NHSL1: variants seen among roughly 807,000 people sequenced by gnomAD.
NHSL1 encodes NHS like 1.
NHSL1 carries 48 observed loss-of-function variants against 95.0 expected under a neutral mutation model. The observed-to-expected ratio is 0.51, with a 90% CI of 0.40 to 0.64. The LOEUF is 0.64. Ranked by LOEUF, NHSL1 falls within the 30% of genes least tolerant of loss-of-function variation. NHSL1 has a pLI of 0.00. For missense variants in NHSL1, 1,971 were observed against 2,077.7 expected (o/e 0.95, Z 1.00); for synonymous variants, 783 against 833.9 (o/e 0.94, Z 1.05).
chr6:138,495,007 C>T (rs1780268085), intron 2 of NHSL1, among the ~76,000 whole-genome samples: 1 of 152,112 alleles, frequency 6.6e-6, no homozygotes, highest in African/African-American at 2.4e-5. Flanking sequence ...TGTTGGGAGG[C>T]TGAGGTGGGT....
At chr6:138,601,315 C>T (rs1784366972) in intron 1 of NHSL1, among the ~76,000 whole-genome samples, 2 of 152,212 alleles carry the variant, frequency 1.3e-5, no homozygotes, top group Non-Finnish European at 2.9e-5. Flanking sequence ...GCTAAACCAA[C>T]ACTTAGATCA....
rs559919961 is a variant in NHSL1, at chr6:138,464,394, G to C, written c.339+8912C>G. 42 of 433,538 alleles carry C rather than the reference G, an allele frequency of 9.7e-5. No individual in the cohort carries two copies. In the Admixed American group the frequency reaches 1.1e-3, roughly 11 times the overall value. The allele number at this position is 433,538 out of a possible 1,614,324, so 26.9% of individuals were successfully genotyped here. A position where few individuals can be genotyped will look rare whatever the true frequency, so the allele number is the denominator to read the frequency against. On this transcript the variant is annotated intron_variant, in intron 3 of 7. Transcript: ENST00000343505. ...GCTGCCTTCGCCAGGCACTTCTGAA[G>C]ACAGGTCAGGGCAGGAAGGCCGAGG...
chr6:138,496,287 G>T lies in NHSL1; in HGVS notation c.143C>A (p.Thr48Asn), dbSNP rs1198964748. Residue 48 changes from threonine to asparagine, a missense_variant, in exon 2 of 8, where the codon ACC (threonine) becomes AAC (asparagine). Transcript: ENST00000343505. ...WHQQENVFLP[T>N]TRPPCVEDLH... ...GTCCTCAACACAGGGGGGTCTTGTG[G>T]TGGGAAGGAACACATTCTCCTGCTG... The T allele has an allele frequency of 1.5e-5, 23 of 1,550,964 alleles. No individual in the cohort carries two copies. Among genetic ancestry groups the T allele is most frequent in the Non-Finnish European group, 1.7e-5 (20 of 1,146,880 alleles).
upstream of NHSL1, among the ~76,000 whole-genome samples, chr6:138,575,237 G>A (rs536068383): frequency 2.6e-5 from 4 of 152,260 alleles, no homozygotes; most frequent in South Asian, 4.1e-4. Context: ...GCTGTTGAGC[G>A]CTTTCCTCAA....
At chr6:138,629,466 T>C (rs1346836560) in intron 1 of NHSL1, among the ~76,000 whole-genome samples, 1 of 151,816 alleles carries the variant, frequency 6.6e-6, no homozygotes, top group African/African-American at 2.4e-5. Flanking sequence ...CACTGCACCC[T>C]CCGCCTCCCA....
chr6:138,565,127 G>A (rs560202825), intron 1 of NHSL1, among the ~76,000 whole-genome samples: 1 of 152,234 alleles, frequency 6.6e-6, no homozygotes, highest in Admixed American at 6.5e-5. Flanking sequence ...GTTTTTCTGA[G>A]ACAGAGTCTT....
intron 1 of NHSL1, among the ~76,000 whole-genome samples, chr6:138,591,750 T>C (rs888696832): frequency 6.6e-6 from 1 of 152,158 alleles, no homozygotes; most frequent in African/African-American, 2.4e-5. Flanking sequence ...AGTTTTCAAT[T>C]GAGCGCGGTT....
chr6:138,684,423 G>A (rs545981625), intron 1 of NHSL1, among the ~76,000 whole-genome samples: 181 of 151,830 alleles, frequency 1.2e-3, no homozygotes, highest in African/African-American at 4.1e-3. Context: ...CAAGGCGGGC[G>A]GATCACAAGG....
intron 3 of NHSL1, among the ~76,000 whole-genome samples, chr6:138,466,041 T>TGTG (rs372536926): frequency 8.0e-6 from 1 of 125,552 alleles, no homozygotes; most frequent in Non-Finnish European, 1.7e-5. Context: ...CACTCCTTTT[T>TGTG]GGGGGGGGGG....
chr6:138,493,451 T>C (rs561922683), intron 2 of NHSL1, among the ~76,000 whole-genome samples: 2 of 152,350 alleles, frequency 1.3e-5, no homozygotes, highest in African/African-American at 4.8e-5. Flanking sequence ...ATGTTCAGTT[T>C]TTCAAGGGGA....
chr6:138,643,060 G>A (rs1784977378), intron 1 of NHSL1, among the ~76,000 whole-genome samples: 3 of 152,252 alleles, frequency 2.0e-5, no homozygotes, highest in Non-Finnish European at 4.4e-5. Flanking sequence ...TCTTAAAGAT[G>A]TTTTAAAGAA....
At chr6:138,463,518 T>TG (rs1778133693) in intron 3 of NHSL1, among the ~76,000 whole-genome samples, 1 of 151,954 alleles carries the variant, frequency 6.6e-6, no homozygotes, top group African/African-American at 2.4e-5. Flanking sequence ...TTTTTTTTTT[T>TG]TTTTAAAGTT....
Position 138,476,315 on chromosome 6 carries a change from TA to T in NHSL1, c.212-2883del, listed in dbSNP as rs367886245. On this transcript the variant is annotated intron_variant, in intron 2 of 7. Transcript: ENST00000343505. Reference sequence around the variant, plus strand: ...CACACCATGGAATACTATGCAGCCATAAAAAAAGAATTAAATCATATAATTT... The same window carrying T: ...CACACCATGGAATACTATGCAGCCATAAAAAAGAATTAAATCATATAATTT... Among the ~76,000 whole-genome samples, 973 of 152,130 alleles carry T rather than the reference TA, an allele frequency of 6.4e-3. 10 individuals carry two copies. The highest frequency in any genetic ancestry group is 0.021 in the African/African-American group (886 of 41,496).
Position 138,429,757 on chromosome 6 carries a change from G to A in NHSL1, c.4039C>T (p.Pro1347Ser), listed in dbSNP as rs1249398859. Residue 1347 changes from proline (P) to serine (S), a missense_variant, in exon 7 of 8, where the codon CCC becomes TCC. This residue lies in a region of NHSL1 where 146 missense variants were observed against 206.3 expected (regional missense o/e 0.71). Coordinates refer to ENST00000343505, the MANE Select transcript of NHSL1 (RefSeq NM_001144060.2). ...TCTTCTGTGGTCCTGGGTCGACTGG[G>A]GGTCATTACCTCATCATTCCCGTCT... is the stretch of plus-strand genomic sequence containing the variant. ...KEDGNDEVMT[P>S]SRPRTTEDLF... The A allele has an allele frequency of 6.4e-7, 1 of 1,551,686 alleles. No individual in the cohort carries two copies. Among genetic ancestry groups the A allele is most frequent in the African/African-American group, 1.4e-5 (1 of 73,018 alleles).
intron 2 of NHSL1, among the ~76,000 whole-genome samples, chr6:138,489,624 C>T (rs1294178839): frequency 6.6e-6 from 1 of 151,070 alleles, no homozygotes; most frequent in East Asian, 2.0e-4. Context: ...TAGCTGGGCA[C>T]GGTGTTGTGT....
At chr6:138,562,145 T>C (rs1244423220) in intron 1 of NHSL1, among the ~76,000 whole-genome samples, 1 of 152,214 alleles carries the variant, frequency 6.6e-6, no homozygotes, top group Non-Finnish European at 1.5e-5. Flanking sequence ...AGTGTGTATG[T>C]TGATTACACA....
chr6:138,462,150 T>C (rs563267731), intron 3 of NHSL1, among the ~76,000 whole-genome samples: 1 of 152,362 alleles, frequency 6.6e-6, no homozygotes, highest in Non-Finnish European at 1.5e-5. Context: ...TTTCTGTTGC[T>C]ATAAAAGAAT....
chr6:138,542,656 C>A (rs1583385583), intron 1 of NHSL1, among the ~76,000 whole-genome samples: 1 of 152,176 alleles, frequency 6.6e-6, no homozygotes, highest in Admixed American at 6.5e-5. Flanking sequence ...AAAGTTAAAG[C>A]TGATGTACCA....
At chr6:138,641,444 T>C (rs963042846) in intron 1 of NHSL1, among the ~76,000 whole-genome samples, 1 of 151,956 alleles carries the variant, frequency 6.6e-6, no homozygotes, top group African/African-American at 2.4e-5. Context: ...ACGTACAGTG[T>C]TGGTTGGTGT....
Sources: allele counts gnomAD v4.1 joint callset (sites outside exome capture counted in the v4.1 genomes callset), GRCh38; gene constraint gnomAD v4.1.1; regional missense constraint gnomAD v4.1.1; transcripts MANE v1.5; gene names NCBI Gene and HGNC (gene_info 2026-07-23, HGNC 2026-07-21).